Variants in STAU2 observed in about 807,000 individuals in gnomAD.
STAU2 encodes staufen double-stranded RNA binding protein 2.
In STAU2, 20 loss-of-function variants were observed where a neutral mutation model predicts 65.9. The observed-to-expected ratio is 0.30, with a 90% CI of 0.21 to 0.44. The LOEUF (loss-of-function observed/expected upper bound fraction) is 0.44. STAU2 is among the 20% of genes least tolerant of loss of function. The probability of loss-of-function intolerance (pLI) is 1.00; values close to 1 mark genes in which losing one functional copy is unlikely to be tolerated. For missense variants in STAU2, 558 were observed against 683.9 expected, an observed-to-expected ratio of 0.82 and a Z score of 2.05; for synonymous variants, 232 against 233.9, an observed-to-expected ratio of 0.99 and a Z score of 0.07.
intron 6 of STAU2, among the ~76,000 whole-genome samples, chr8:73,658,947 A>G (rs1213328136): frequency 6.6e-6 from 1 of 151,214 alleles, no homozygotes; most frequent in Non-Finnish European, 1.5e-5. Context: ...AAACAACAAA[A>G]AAAAAAAACC....
chr8:73,659,087 G>A (rs891521265), intron 6 of STAU2, among the ~76,000 whole-genome samples: 4 of 152,044 alleles, frequency 2.6e-5, no homozygotes, highest in East Asian at 1.9e-4. Context: ...GGTGGATAAC[G>A]TTTTTTGATT....
chr8:73,617,502 T>C, intron 6 of STAU2, 51 bp from the exon 7 acceptor site: 2 of 1,513,702 alleles, frequency 1.3e-6, no homozygotes, highest in Non-Finnish European at 1.8e-6. Flanking sequence ...AACCACTCTA[T>C]AATCATTCAT....
chr8:73,613,221 T>C (rs2129835358), intron 9 of STAU2, among the ~76,000 whole-genome samples: 1 of 152,324 alleles, frequency 6.6e-6, no homozygotes, highest in Admixed American at 6.5e-5. Context: ...GCTGTAGCTA[T>C]CATTGTTAGT....
At chr8:73,635,790 A>G (rs919303081) in intron 6 of STAU2, among the ~76,000 whole-genome samples, 3 of 151,818 alleles carry the variant, frequency 2.0e-5, no homozygotes, top group Admixed American at 6.6e-5. Flanking sequence ...GCGCCACTGC[A>G]CTCCAGCTTG....
At chr8:73,608,051 G>A (rs932731230) in intron 9 of STAU2, among the ~76,000 whole-genome samples, 2 of 152,152 alleles carry the variant, frequency 1.3e-5, no homozygotes, top group Non-Finnish European at 2.9e-5. Context: ...CATCCAGGCA[G>A]ATCCCTCATG....
Position 73,686,143 on chromosome 8 carries a change from G to A in STAU2, c.274+2511C>T, listed in dbSNP as rs190161740. 1.0e-3 allele frequency among the ~76,000 whole-genome samples: 154 copies of A among 152,246 alleles called. 2 individuals carry two copies. Among genetic ancestry groups the A allele is most frequent in the East Asian group, 2.5e-3 (13 of 5,180 alleles). On this transcript the variant is annotated intron_variant, in intron 5 of 14. Coordinates refer to ENST00000524300, the MANE Select transcript of STAU2 (RefSeq NM_001164380.2). ...GAGAATGATACAATGGGCCGGGCGC[G>A]GTGGCTCACGCCTGTAATCCCAACA...
At chr8:73,654,218 A>G (rs1050223455) in intron 6 of STAU2, among the ~76,000 whole-genome samples, 16 of 152,316 alleles carry the variant, frequency 1.1e-4, no homozygotes, top group African/African-American at 3.4e-4. Flanking sequence ...ACCTATACAT[A>G]GTAGTAAGGT....
intron 12 of STAU2, among the ~76,000 whole-genome samples, chr8:73,582,303 T>G (rs544272849): frequency 9.2e-5 from 14 of 151,994 alleles, no homozygotes. Context: ...CAATGTTAAG[T>G]GAAAACAATA....
At chr8:73,620,408 A>G (rs1317286197) in intron 6 of STAU2, among the ~76,000 whole-genome samples, 1 of 152,242 alleles carries the variant, frequency 6.6e-6, no homozygotes, top group African/African-American at 2.4e-5. Context: ...GGGCGCCACT[A>G]TAATCACTAA....
At chr8:73,438,981 C>G (rs1181107841) in intron 13 of STAU2, 1 of 456,766 alleles carries the variant, frequency 2.2e-6, no homozygotes, top group East Asian at 6.9e-5. Context: ...GAGAAAGCCT[C>G]TATACCTGGT....
chr8:73,546,483 G>A (rs1806947965), intron 13 of STAU2, among the ~76,000 whole-genome samples: 1 of 152,092 alleles, frequency 6.6e-6, no homozygotes, highest in Non-Finnish European at 1.5e-5. Flanking sequence ...AACATACCAG[G>A]TATTCTGAAA....
At chr8:73,658,038 A>G (rs1423211972) in intron 6 of STAU2, among the ~76,000 whole-genome samples, 1 of 151,524 alleles carries the variant, frequency 6.6e-6, no homozygotes, top group Non-Finnish European at 1.5e-5. Flanking sequence ...AAAAGGCACA[A>G]TAGTCACACT....
At chr8:73,462,239 C>A (rs749360209) in intron 13 of STAU2, among the ~76,000 whole-genome samples, 1 of 151,728 alleles carries the variant, frequency 6.6e-6, no homozygotes, top group Non-Finnish European at 1.5e-5. Flanking sequence ...GCCACCACGC[C>A]CAGCTAATTT....
chr8:73,463,522 T>C lies in STAU2; in HGVS notation c.1531-40820A>G, dbSNP rs150420003. ...TGATTACAGAAGCTGGTGTTACTAATGTTCACAGTTCAGGTTGCTAAGTTT... is the reference window on the plus strand; with the variant it reads ...TGATTACAGAAGCTGGTGTTACTAACGTTCACAGTTCAGGTTGCTAAGTTT... On this transcript the variant is annotated intron_variant, in intron 13 of 14. Transcript: ENST00000524300. Among the ~76,000 whole-genome samples the C allele has an allele frequency of 3.7e-3, 571 of 152,352 alleles. 6 individuals are homozygous for C. The Middle Eastern group carries it at 0.054, about 15-fold the overall frequency.
intron 6 of STAU2, among the ~76,000 whole-genome samples, chr8:73,637,005 T>C (rs1220519853): frequency 1.3e-5 from 2 of 151,806 alleles, no homozygotes; most frequent in South Asian, 2.1e-4. Context: ...TTCTAGAATA[T>C]GATATTCAAA....
At chr8:73,743,081 G>A (rs760858598) in intron 1 of STAU2, among the ~76,000 whole-genome samples, 1 of 151,926 alleles carries the variant, frequency 6.6e-6, no homozygotes, top group Non-Finnish European at 1.5e-5. Flanking sequence ...AAAGATATAC[G>A]GTCCTTTAAA....
intron 12 of STAU2, chr8:73,561,454 GT>G (rs992867946): frequency 1.4e-4 from 64 of 442,902 alleles, no homozygotes; most frequent in African/African-American, 1.2e-3. Flanking sequence ...GTTTATTTAA[GT>G]GGGGTTAAAA....
At chr8:73,726,255 T>C (rs998473865) in intron 3 of STAU2, among the ~76,000 whole-genome samples, 1 of 152,124 alleles carries the variant, frequency 6.6e-6, no homozygotes, top group Admixed American at 6.5e-5. Flanking sequence ...GTAAGAATGA[T>C]ACAATGGACT....
chr8:73,517,379 T>G lies in STAU2; in HGVS notation c.1530+34633A>C, dbSNP rs145408042. Among the ~76,000 whole-genome samples, 913 of 152,270 alleles carry G rather than the reference T, an allele frequency of 6.0e-3. 7 individuals are homozygous for G. Among genetic ancestry groups the G allele is most frequent in the African/African-American group, 0.021 (879 of 41,564 alleles). ...GTTTGAGGTTACAGTGAGCTAAGAT[T>G]GTGCCACTGCACTCCACCCTGGGCA... On this transcript the variant is annotated intron_variant, in intron 13 of 14. Coordinates refer to ENST00000524300, the MANE Select transcript of STAU2 (RefSeq NM_001164380.2).
Sources: allele counts gnomAD v4.1 joint callset (sites outside exome capture counted in the v4.1 genomes callset), GRCh38; gene constraint gnomAD v4.1.1; transcripts MANE v1.5; gene names NCBI Gene and HGNC (gene_info 2026-07-23, HGNC 2026-07-21).